Variants in CNTLN observed in about 807,000 individuals in gnomAD.
The protein encoded by CNTLN is centlein, centrosomal protein.
A neutral mutation model predicts 180.0 loss-of-function variants in CNTLN; 212 were observed. The ratio of observed to expected loss-of-function variants is 1.18; its 90% CI spans 1.05 to 1.32. CNTLN has a LOEUF of 1.32. CNTLN is among the 40% of genes most tolerant of loss of function. The probability of loss-of-function intolerance (pLI) is 0.00; values close to 1 mark genes in which losing one functional copy is unlikely to be tolerated. For synonymous variants in CNTLN, 722 were observed against 563.1 expected (o/e 1.28, Z -3.99); for missense variants, 2,095 against 1,610.9 (o/e 1.30, Z -5.14).
intron 4 of CNTLN, 67 bp downstream of exon 4, chr9:17,235,859 C>T: frequency 6.7e-7 from 1 of 1,500,598 alleles, no homozygotes; most frequent in Middle Eastern, 1.8e-4. Context: ...CTTTGTTAGC[C>T]TTTGTGGCAC....
chr9:17,136,762 G>A (rs1342712435), intron 1 of CNTLN, among the ~76,000 whole-genome samples: 6 of 152,104 alleles, frequency 3.9e-5, no homozygotes, highest in Non-Finnish European at 7.3e-5. Flanking sequence ...CCCTCTTTTC[G>A]TTTTACCATT....
In CNTLN at chr9:17,363,893, A is replaced by G. The variant is rs115298645; in HGVS notation, c.1887-2724A>G. Among the ~76,000 whole-genome samples the G allele has an allele frequency of 6.6e-3, 997 of 152,144 alleles. 12 individuals are homozygous for G. Among genetic ancestry groups the G allele is most frequent in the African/African-American group, 0.023 (938 of 41,534 alleles). ...ATATATTTTAATGATTTTTTCATCT[A>G]GGATCTATGAGTAGTAAACTTTGGC... On this transcript the variant is annotated intron_variant, in intron 12 of 25. Transcript: ENST00000380647.
chr9:17,359,881 CAG>C (rs1033269336), intron 12 of CNTLN, among the ~76,000 whole-genome samples: 2 of 151,206 alleles, frequency 1.3e-5, no homozygotes, highest in African/African-American at 4.9e-5. Context: ...GCCTGGGCAA[CAG>C]AGTGAGGCTG....
the CNTLN span, among the ~76,000 whole-genome samples, chr9:17,524,980 A>G: frequency 0.014 from 2,200 of 152,250 alleles, 59 homozygotes; most frequent in African/African-American, 0.049. Context: ...AGTTAAGACC[A>G]CTCTGTGACC....
At chr9:17,169,642 T>C (rs1428811180) in intron 2 of CNTLN, among the ~76,000 whole-genome samples, 1 of 152,188 alleles carries the variant, frequency 6.6e-6, no homozygotes, top group Non-Finnish European at 1.5e-5. Flanking sequence ...CTCGGTACCA[T>C]TTATTGAAGA....
intron 8 of CNTLN, among the ~76,000 whole-genome samples, chr9:17,323,091 T>C (rs756983202): frequency 3.3e-5 from 5 of 152,212 alleles, no homozygotes; most frequent in Non-Finnish European, 1.5e-5. Context: ...AATGAACTTA[T>C]GCCATATGCT....
intron 2 of CNTLN, among the ~76,000 whole-genome samples, chr9:17,181,486 ATTG>A (rs1390136078): frequency 1.3e-5 from 2 of 152,158 alleles, no homozygotes; most frequent in Admixed American, 1.3e-4. Context: ...CTGTTTTGAA[ATTG>A]TTGTCACATA....
intron 6 of CNTLN, among the ~76,000 whole-genome samples, chr9:17,287,360 C>T (rs1400007674): frequency 6.7e-6 from 1 of 148,216 alleles, no homozygotes; most frequent in Non-Finnish European, 1.5e-5. Context: ...ATGAAGCCCA[C>T]TTGATCATGG....
At chr9:17,412,588 A>G (rs1438925794) in intron 16 of CNTLN, among the ~76,000 whole-genome samples, 2 of 152,208 alleles carry the variant, frequency 1.3e-5, no homozygotes, top group African/African-American at 4.8e-5. Context: ...AAATTACATG[A>G]CATATTTAAT....
Position 17,472,680 on chromosome 9 carries a change from T to C in CNTLN, c.3855+5789T>C, listed in dbSNP as rs1832096333. Among the ~76,000 whole-genome samples, 5 of 152,154 alleles carry C rather than the reference T, an allele frequency of 3.3e-5. No individual in the cohort carries two copies. In the South Asian group the frequency reaches 1.0e-3, roughly 32 times the overall value. The stretch of plus-strand genomic sequence containing the variant: ...CAGGAGCCAGGGTGGTTAAAAGTTC[T>C]GCATTGGGAAGAAAAATCTCATACA... On this transcript the variant is annotated intron_variant, in intron 23 of 25. Coordinates refer to ENST00000380647, the MANE Select transcript of CNTLN (RefSeq NM_017738.4).
chr9:17,307,062 G>T (rs1818766652), intron 7 of CNTLN, among the ~76,000 whole-genome samples: 1 of 152,018 alleles, frequency 6.6e-6, no homozygotes, highest in Admixed American at 6.5e-5. Flanking sequence ...ACTCTTTCTT[G>T]CCTCCTAGAA....
At chr9:17,499,480 A>T (rs1833633352) in intron 25 of CNTLN, among the ~76,000 whole-genome samples, 3 of 152,226 alleles carry the variant, frequency 2.0e-5, no homozygotes, top group Admixed American at 1.3e-4. Flanking sequence ...TTTGCTAAAT[A>T]AATGAATAGT....
At chr9:17,512,756 G>A in the CNTLN span, among the ~76,000 whole-genome samples, 5 of 152,296 alleles carry the variant, frequency 3.3e-5, no homozygotes, top group East Asian at 9.6e-4. Context: ...GTTACGTCTG[G>A]AGAGAGGACT....
intron 8 of CNTLN, among the ~76,000 whole-genome samples, chr9:17,312,360 TA>T (rs1563984765): frequency 1.3e-4 from 2 of 15,326 alleles, no homozygotes; most frequent in African/African-American, 2.9e-4. Flanking sequence ...TATATATATA[TA>T]TATTATATAT....
chr9:17,514,275 A>G, the CNTLN span, among the ~76,000 whole-genome samples: 6 of 152,256 alleles, frequency 3.9e-5, no homozygotes, highest in East Asian at 1.2e-3. Context: ...GCATCACTGT[A>G]CTCCAGCCTG....
rs368355125 is a variant in CNTLN, at chr9:17,409,275, C to T, written c.2616-18C>T. On this transcript the variant is annotated intron_variant, in intron 15 of 25. Coordinates refer to ENST00000380647, the MANE Select transcript of CNTLN (RefSeq NM_017738.4). The stretch of plus-strand genomic sequence containing the variant: ...ACTTTTATTCTTGGATTTTATGTCC[C>T]TACTTTTTTCTAAAAAGCAGTGATT... 2 of 1,601,200 alleles carry T rather than the reference C, an allele frequency of 1.2e-6. No individual in the cohort carries two copies. The highest frequency in any genetic ancestry group is 1.7e-6 in the Non-Finnish European group (2 of 1,176,364).
In CNTLN at chr9:17,472,666, G is replaced by A. The variant is rs1447846218; in HGVS notation, c.3855+5775G>A. Among the ~76,000 whole-genome samples the A allele has an allele frequency of 3.3e-5, 5 of 152,084 alleles. No individual in the cohort carries two copies. The East Asian group carries it at 9.7e-4, about 29-fold the overall frequency. The stretch of plus-strand genomic sequence containing the variant: ...TAGCATTCAATACCCAGGAGCCAGG[G>A]TGGTTAAAAGTTCTGCATTGGGAAG... On this transcript the variant is annotated intron_variant, in intron 23 of 25. Coordinates refer to ENST00000380647, the MANE Select transcript of CNTLN (RefSeq NM_017738.4).
At position 17,309,186 on chromosome 9, in the gene CNTLN, A is replaced by G. The variant is rs192917559; in HGVS notation, c.1275A>G (p.Lys425=). 1.3e-3 allele frequency: 2,141 copies of G among 1,609,894 alleles called. 2 individuals are homozygous for G. The highest frequency in any genetic ancestry group is 1.8e-3 in the Admixed American group (110 of 59,804). ...AAGAAAATGCTAAGTTAAAAGAAAA[A>G]CTTCAGGAATCACAGGGAGCACCTC... ...KEQENAKLKE[K]LQESQGAPLP... Residue 425 remains lysine, a synonymous_variant, in exon 8 of 26, where the codon AAA becomes AAG. Transcript: ENST00000380647.
At position 17,196,632 on chromosome 9, in the gene CNTLN, T is replaced by C. The variant is rs907438385; in HGVS notation, c.450-29571T>C. Among the ~76,000 whole-genome samples the C allele has an allele frequency of 4.0e-5, 6 of 151,480 alleles. No individual in the cohort carries two copies. The South Asian group carries it at 1.2e-3, about 31-fold the overall frequency. ...CACTGAGTTGTGGATTCACTTAAGA[T>C]TTTTAAATTTAAATTAAATTAATAT... On this transcript the variant is annotated intron_variant, in intron 2 of 25. Coordinates refer to ENST00000380647, the MANE Select transcript of CNTLN (RefSeq NM_017738.4).
Sources: gnomAD v4.1 joint callset for allele counts (sites outside exome capture counted in the v4.1 genomes callset) on GRCh38, gnomAD v4.1.1 for gene constraint, MANE v1.5 for transcripts, NCBI Gene and HGNC (gene_info 2026-07-23, HGNC 2026-07-21) for gene names.